Variants in TLN2 observed in about 807,000 individuals in gnomAD.
The protein encoded by TLN2 is talin 2.
Under a neutral mutation model 294.7 loss-of-function variants are expected in TLN2, and 118 were observed. That is an observed-to-expected ratio of 0.40 (90% CI 0.34 to 0.47). The LOEUF (loss-of-function observed/expected upper bound fraction) is 0.47, where lower values mean the gene tolerates loss of function less well. Ranked by LOEUF, TLN2 falls within the 20% of genes least tolerant of loss-of-function variation. TLN2 has a pLI of 0.84. For synonymous variants in TLN2, 1,431 were observed against 1,304.5 expected (o/e 1.10, Z -2.09); for missense variants, 3,083 against 3,282.2 (o/e 0.94, Z 1.48).
intron 1 of TLN2, among the ~76,000 whole-genome samples, chr15:62,465,102 GCGT>G (rs1363369688): frequency 2.4e-4 from 29 of 120,886 alleles, no homozygotes; most frequent in African/African-American, 8.0e-4. Context: ...TGTGGTGAGC[GCGT>G]TTTTTTTTTT....
chr15:62,636,746 AT>A (rs1428100637), intron 3 of TLN2, among the ~76,000 whole-genome samples: 4 of 152,200 alleles, frequency 2.6e-5, no homozygotes, highest in African/African-American at 9.7e-5. Context: ...ACATGGTAAT[AT>A]AGGTTTGCAT....
intron 1 of TLN2, among the ~76,000 whole-genome samples, chr15:62,530,518 G>T (rs1007229879): frequency 6.6e-6 from 1 of 151,972 alleles, no homozygotes; most frequent in African/African-American, 2.4e-5. Flanking sequence ...CACCATGCCC[G>T]GCTAATTTTT....
At chr15:62,451,397 T>C (rs977366968) in intron 1 of TLN2, among the ~76,000 whole-genome samples, 3 of 152,074 alleles carry the variant, frequency 2.0e-5, no homozygotes, top group Non-Finnish European at 4.4e-5. Flanking sequence ...TGGCTCACAC[T>C]TGTAATCCCA....
intron 1 of TLN2, among the ~76,000 whole-genome samples, chr15:62,476,718 A>T (rs1333839678): frequency 6.6e-6 from 1 of 151,858 alleles, no homozygotes; most frequent in East Asian, 1.9e-4. Flanking sequence ...CCTCTCTTTC[A>T]CTTTGCTCCA....
At chr15:62,840,392 G>C (rs535644493) in intron 58 of TLN2, 90 bp from the exon 59 acceptor site, 12 of 1,531,062 alleles carry the variant, frequency 7.8e-6, no homozygotes, top group Non-Finnish European at 1.1e-5. Context: ...CCACGGTCGC[G>C]GGAGCCGTGG....
intron 47 of TLN2, among the ~76,000 whole-genome samples, chr15:62,796,653 GATAGGGGCTCAAAGCCCCT>G (rs1467455752): frequency 6.6e-6 from 1 of 152,172 alleles, no homozygotes; most frequent in Non-Finnish European, 1.5e-5. Context: ...GTTTTGGGAA[GATAGGGGCTCAAAGCCCCT>G]ATCTCTGCTC....
At chr15:62,508,904 G>T (rs1250939311) in intron 1 of TLN2, among the ~76,000 whole-genome samples, 1 of 152,076 alleles carries the variant, frequency 6.6e-6, no homozygotes, top group African/African-American at 2.4e-5. Flanking sequence ...AGTATTCTTG[G>T]TATTTTTGTA....
At position 62,650,135 on chromosome 15, in the gene TLN2, G is replaced by A; in HGVS notation, c.188G>A (p.Trp63Ter). ...GATGAAGACCCGAGGAAAGGGATTTGGCTGGAAGCGGGCAGAACACTGGAT... is the reference window on the plus strand; with the variant it reads ...GATGAAGACCCGAGGAAAGGGATTTAGCTGGAAGCGGGCAGAACACTGGAT... Reference protein sequence around the residue: ...LSDEDPRKGIWLEAGRTLDYY... With the variant: ...LSDEDPRKGI Residue 63 changes from tryptophan to a stop codon, truncating the protein, a stop_gained, in exon 5 of 59, where the codon TGG (tryptophan) becomes TAG (stop). Coordinates refer to ENST00000636159, the MANE Select transcript of TLN2 (RefSeq NM_015059.3). LOFTEE classifies it high-confidence loss of function. The A allele has an allele frequency of 6.2e-7, 1 of 1,614,088 alleles. No homozygotes were observed. Among genetic ancestry groups the A allele is most frequent in the Non-Finnish European group, 8.5e-7 (1 of 1,180,004 alleles).
At chr15:62,691,396 A>T (rs1380108799) in intron 12 of TLN2, among the ~76,000 whole-genome samples, 1 of 151,788 alleles carries the variant, frequency 6.6e-6, no homozygotes, top group Non-Finnish European at 1.5e-5. Flanking sequence ...GTGAGTTTTA[A>T]AATTTTGGTT....
In TLN2 at chr15:62,548,827, A is replaced by C. The variant is rs543624099; in HGVS notation, c.-237-40860A>C. ...CAGGCAGAAAGGAATGGTAGGATGG[A>C]GGGTGGATTTACAACAAAAATAATG... is the stretch of plus-strand genomic sequence containing the variant. On this transcript the variant is annotated intron_variant, in intron 1 of 58. Transcript: ENST00000636159. 5.9e-5 allele frequency among the ~76,000 whole-genome samples: 9 copies of C among 152,292 alleles called. No individual in the cohort carries two copies. In the East Asian group the frequency reaches 1.5e-3, roughly 26 times the overall value.
chr15:62,611,256 TG>T (rs983820057), intron 2 of TLN2, among the ~76,000 whole-genome samples: 1 of 152,214 alleles, frequency 6.6e-6, no homozygotes, highest in African/African-American at 2.4e-5. Flanking sequence ...CCCCAATGAT[TG>T]AAAAAAACTG....
At chr15:62,629,732 T>C (rs763104489) in intron 3 of TLN2, among the ~76,000 whole-genome samples, 3 of 152,230 alleles carry the variant, frequency 2.0e-5, no homozygotes, top group Non-Finnish European at 4.4e-5. Flanking sequence ...TGATTTTACA[T>C]ATTTTCTGCT....
At position 62,817,538 on chromosome 15, in the gene TLN2, G is replaced by A. The variant is rs139454210; in HGVS notation, c.6772-1978G>A. On this transcript the variant is annotated intron_variant, in intron 52 of 58. Transcript: ENST00000636159. ...TATTGACTAATCCATTTGTGCGTAC[G>A]CATAATGTCATCTGTACACTGCCGT... Among the ~76,000 whole-genome samples, 622 of 152,276 alleles carry A rather than the reference G, an allele frequency of 4.1e-3. 2 individuals carry two copies. The highest frequency in any genetic ancestry group is 0.014 in the African/African-American group (598 of 41,562).
intron 1 of TLN2, among the ~76,000 whole-genome samples, chr15:62,555,445 T>C (rs2042552552): frequency 6.6e-6 from 1 of 152,218 alleles, no homozygotes; most frequent in Non-Finnish European, 1.5e-5. Flanking sequence ...ATAGATTAGA[T>C]TGTGTCCCTC....
At chr15:62,807,674 G>T (rs1387622604) in intron 51 of TLN2, among the ~76,000 whole-genome samples, 2 of 152,172 alleles carry the variant, frequency 1.3e-5, no homozygotes, top group Non-Finnish European at 2.9e-5. Flanking sequence ...GAGGAGCTCA[G>T]GTAGAACAGT....
chr15:62,763,080 T>G, intron 39 of TLN2: 1 of 153,444 alleles, frequency 6.5e-6, no homozygotes, highest in Middle Eastern at 3.4e-3. Flanking sequence ...AAAACCACAG[T>G]TAACTTTATT....
At chr15:62,608,603 A>G (rs766661972) in intron 2 of TLN2, among the ~76,000 whole-genome samples, 7 of 152,106 alleles carry the variant, frequency 4.6e-5, no homozygotes, top group Non-Finnish European at 8.8e-5. Flanking sequence ...AGGTGGGTGG[A>G]TTGTGAAGTT....
At chr15:62,812,675 C>T (rs1315973471) in intron 52 of TLN2, among the ~76,000 whole-genome samples, 2 of 152,166 alleles carry the variant, frequency 1.3e-5, no homozygotes, top group Non-Finnish European at 2.9e-5. Flanking sequence ...TCCCAGTATC[C>T]GGGAATGAGG....
intron 14 of TLN2, among the ~76,000 whole-genome samples, chr15:62,696,230 G>C (rs1188312484): frequency 6.6e-6 from 1 of 152,164 alleles, no homozygotes; most frequent in East Asian, 1.9e-4. Flanking sequence ...CTGGGACAGA[G>C]GTCCCTGTCT....
Sources: gnomAD v4.1 joint callset for allele counts (sites outside exome capture counted in the v4.1 genomes callset) on GRCh38, gnomAD v4.1.1 for gene constraint, MANE v1.5 for transcripts, NCBI Gene and HGNC (gene_info 2026-07-23, HGNC 2026-07-21) for gene names.